CSMD2: variants seen among roughly 807,000 people sequenced by gnomAD.
The protein encoded by CSMD2 is CUB and Sushi multiple domains 2.
In CSMD2, 130 loss-of-function variants were observed where a neutral mutation model predicts 398.5. The observed-to-expected ratio is 0.33, with a 90% CI of 0.28 to 0.38. The LOEUF (loss-of-function observed/expected upper bound fraction) is 0.38, where lower values mean the gene tolerates loss of function less well. CSMD2 is among the 10% of genes least tolerant of loss of function. The pLI is 1.00. For synonymous variants in CSMD2, 1,828 were observed against 1,908.5 expected (o/e 0.96, Z 1.10); for missense variants, 3,829 against 4,764.9 (o/e 0.80, Z 5.78).
At chr1:33,890,257 G>T (rs1281524547) in intron 5 of CSMD2, among the ~76,000 whole-genome samples, 1 of 132,842 alleles carries the variant, frequency 7.5e-6, no homozygotes, top group Non-Finnish European at 1.5e-5. Context: ...TTGAGATGGA[G>T]TCTGGCTCTG....
At chr1:33,941,164 T>C (rs141935174) in intron 3 of CSMD2, among the ~76,000 whole-genome samples, 72 of 152,340 alleles carry the variant, frequency 4.7e-4, no homozygotes, top group Admixed American at 9.8e-4. Flanking sequence ...AATTCCATTG[T>C]AGATTAGCTG....
At position 33,583,495 on chromosome 1, in the gene CSMD2, T is replaced by C. The variant is rs1450506160; in HGVS notation, c.7240+147A>G. ...GGGCCATGCCACCCCTCAGGTCCCA[T>C]GGCCTTGGGGTTGCTGTGGTAGGGA... is the stretch of plus-strand genomic sequence containing the variant. On this transcript the variant is annotated intron_variant, in intron 47 of 70. Transcript: ENST00000373381. 4.3e-5 allele frequency: 33 copies of C among 768,454 alleles called. No homozygotes were observed. The Admixed American group carries it at 6.9e-4, about 16-fold the overall frequency. 47.6% of individuals were successfully genotyped at this position (768,454 alleles called of 1,614,324 possible).
chr1:33,659,966 T>C (rs746561896), intron 26 of CSMD2, among the ~76,000 whole-genome samples: 3 of 152,250 alleles, frequency 2.0e-5, no homozygotes, highest in Non-Finnish European at 4.4e-5. Flanking sequence ...CATCAATCTT[T>C]TTCCTTCCCA....
chr1:34,014,173 C>A (rs183740000), intron 3 of CSMD2, among the ~76,000 whole-genome samples: 8 of 152,352 alleles, frequency 5.3e-5, no homozygotes, highest in Admixed American at 5.2e-4. Context: ...ACCCAGAGCG[C>A]CCCCTGGCTT....
intron 3 of CSMD2, among the ~76,000 whole-genome samples, chr1:33,964,809 T>C (rs988604888): frequency 1.3e-5 from 2 of 152,204 alleles, no homozygotes; most frequent in African/African-American, 4.8e-5. Context: ...TATCTGGCTT[T>C]ATATCCTGAC....
intron 10 of CSMD2, among the ~76,000 whole-genome samples, chr1:33,793,307 C>T (rs1473025833): frequency 6.6e-6 from 1 of 151,900 alleles, no homozygotes; most frequent in Non-Finnish European, 1.5e-5. Context: ...CCCCATCAGG[C>T]CAAAGGGGGA....
rs1656761737 is a variant in CSMD2, at chr1:33,810,689, G to C, written c.1446+54C>G. The C allele has an allele frequency of 1.1e-5, 18 of 1,575,890 alleles. No individual in the cohort carries two copies. In the South Asian group the frequency reaches 2.0e-4, roughly 18 times the overall value. ...GTTTGAAAAACCTTGTAGGCCAACTGTCCCCAACCTAGCCCTGCCCACAGA... is the reference window on the plus strand; with the variant it reads ...GTTTGAAAAACCTTGTAGGCCAACTCTCCCCAACCTAGCCCTGCCCACAGA... On this transcript the variant is annotated intron_variant, in intron 10 of 70. Transcript: ENST00000373381.
chr1:33,864,400 G>A lies in CSMD2; in HGVS notation c.921-17404C>T, dbSNP rs769598918. 11 of 1,614,068 alleles carry A rather than the reference G, an allele frequency of 6.8e-6. No individual in the cohort carries two copies. The East Asian group carries it at 1.6e-4, about 23-fold the overall frequency. ...GCCCTGGCCAAACTCGACAAAGCCC[G>A]ATACCAGGAAGAAATGATGAATTAT... On this transcript the variant is annotated intron_variant, in intron 5 of 70. Coordinates refer to ENST00000373381, the MANE Select transcript of CSMD2 (RefSeq NM_001281956.2).
intron 32 of CSMD2, among the ~76,000 whole-genome samples, chr1:33,628,354 CAG>C (rs1266225437): frequency 2.6e-5 from 4 of 151,878 alleles, no homozygotes; most frequent in South Asian, 2.1e-4. Flanking sequence ...AAAGAGAAGA[CAG>C]AGAAATTGAA....
chr1:33,849,227 T>A (rs1298721560), intron 5 of CSMD2, among the ~76,000 whole-genome samples: 1 of 152,236 alleles, frequency 6.6e-6, no homozygotes, highest in Non-Finnish European at 1.5e-5. Flanking sequence ...AGAGTTTTCT[T>A]GGCATCTATC....
intron 4 of CSMD2, among the ~76,000 whole-genome samples, chr1:33,924,273 C>G (rs1644047269): frequency 6.6e-6 from 1 of 151,874 alleles, no homozygotes; most frequent in African/African-American, 2.4e-5. Flanking sequence ...CTCCTGGGCT[C>G]AAGAGATCCC....
intron 6 of CSMD2, among the ~76,000 whole-genome samples, chr1:33,845,550 A>G (rs905619042): frequency 1.3e-5 from 2 of 152,230 alleles, no homozygotes; most frequent in African/African-American, 4.8e-5. Flanking sequence ...TATAGCATTC[A>G]TCTCTGCTTT....
chr1:33,687,838 G>T (rs967815389), intron 25 of CSMD2, among the ~76,000 whole-genome samples: 4 of 151,824 alleles, frequency 2.6e-5, no homozygotes, highest in African/African-American at 9.7e-5. Context: ...GACTAGAAAT[G>T]AGCCCAGTTG....
At chr1:33,692,897 G>A in intron 25 of CSMD2, 33 bp downstream of exon 25, 1 of 1,604,944 alleles carries the variant, frequency 6.2e-7, no homozygotes, top group Non-Finnish European at 8.5e-7. Flanking sequence ...CTGAACAACT[G>A]GCGATAGTTA....
chr1:34,087,611 GTATAAT>G (rs1234199891), intron 2 of CSMD2, among the ~76,000 whole-genome samples: 1 of 95,056 alleles, frequency 1.1e-5, no homozygotes, highest in Non-Finnish European at 2.1e-5. Flanking sequence ...AGAACTTAAA[GTATAAT>G]AATAATAATA....
Position 33,652,150 on chromosome 1 carries a change from T to C in CSMD2, c.4586+173A>G, listed in dbSNP as rs1643789695. ...ATATGCATGAGACCACTGAGCACAG[T>C]GCTTGGCACGTAGATGTTCAATAAA... is the stretch of plus-strand genomic sequence containing the variant. On this transcript the variant is annotated intron_variant, in intron 28 of 70. Transcript: ENST00000373381. Among the ~76,000 whole-genome samples, 5 of 152,200 alleles carry C rather than the reference T, an allele frequency of 3.3e-5. 1 individual carries two copies. The South Asian group carries it at 1.0e-3, about 32-fold the overall frequency.
chr1:33,754,786 G>T (rs969968368), intron 13 of CSMD2, among the ~76,000 whole-genome samples: 1 of 152,032 alleles, frequency 6.6e-6, no homozygotes, highest in African/African-American at 2.4e-5. Context: ...TTTTTTGATG[G>T]GAGAAAGGAT....
At chr1:34,089,283 A>G in intron 1 of CSMD2, 90 bp from the exon 2 acceptor site, 1 of 1,277,212 alleles carries the variant, frequency 7.8e-7, no homozygotes. Context: ...GCAAATCATG[A>G]ACCCACTTTT....
At chr1:34,030,525 T>C (rs10914851) in intron 3 of CSMD2, among the ~76,000 whole-genome samples, 16,338 of 152,198 alleles carry the variant, frequency 0.11, 1,287 homozygotes, top group East Asian at 0.33. Context: ...GAAAAAGATA[T>C]ACCCACCCTC....
Sources: gnomAD v4.1 joint callset for allele counts (sites outside exome capture counted in the v4.1 genomes callset) on GRCh38, gnomAD v4.1.1 for gene constraint, MANE v1.5 for transcripts, NCBI Gene and HGNC (gene_info 2026-07-23, HGNC 2026-07-21) for gene names.